Variants in CEACAM21 observed in about 807,000 individuals in gnomAD.
The protein encoded by CEACAM21 is CEA cell adhesion molecule 21.
Under a neutral mutation model 33.2 loss-of-function variants are expected in CEACAM21, and 38 were observed. That is an observed-to-expected ratio of 1.14 (90% CI 0.88 to 1.50). The LOEUF is 1.50. Ranked by LOEUF, CEACAM21 falls within the 40% of genes most tolerant of loss-of-function variation. The pLI, the probability that CEACAM21 is intolerant of heterozygous loss-of-function variation, is 0.00. For missense variants in CEACAM21, 385 were observed against 364.6 expected (o/e 1.06, Z -0.46); for synonymous variants, 156 against 143.0 (o/e 1.09, Z -0.65).
intron 4 of CEACAM21, 102 bp from the exon 5 acceptor site, chr19:41,585,341 C>T: frequency 8.0e-7 from 1 of 1,247,482 alleles, no homozygotes; most frequent in South Asian, 1.2e-5. Flanking sequence ...AGGAGGTCTC[C>T]ATACCCCTCT....
Position 41,584,450 on chromosome 19 carries a change from C to G in CEACAM21, c.797+7C>G. ...TCCTCCGAAAAACTGGCAGGTACCACAGCTTTTCCCCATTCTGCTCCCATC... is the reference window on the plus strand; with the variant it reads ...TCCTCCGAAAAACTGGCAGGTACCAGAGCTTTTCCCCATTCTGCTCCCATC... On this transcript the variant is annotated splice_region_variant and intron_variant, in intron 4 of 6. Coordinates refer to ENST00000401445, the MANE Select transcript of CEACAM21 (RefSeq NM_001098506.4). The G allele has an allele frequency of 6.3e-7, 1 of 1,598,212 alleles. No individual in the cohort carries two copies. The highest frequency in any genetic ancestry group is 1.7e-5 in the Admixed American group (1 of 57,376).
At chr19:41,555,522 T>C (rs1328664889) in intron 1 of CEACAM21, 1 of 151,894 alleles carries the variant, frequency 6.6e-6, no homozygotes, top group Non-Finnish European at 1.5e-5. Flanking sequence ...GTTTATAGGA[T>C]CTAATTTTAA....
chr19:41,586,164 C>T (rs2070722302), intron 6 of CEACAM21: 1 of 592,730 alleles, frequency 1.7e-6, no homozygotes. Flanking sequence ...ATTCCCCTAC[C>T]CAGCACCAGG....
Position 41,552,294 on chromosome 19 carries a change from T to G in CEACAM21, c.-779+2742T>G, listed in dbSNP as rs564804090. ...CTCAATCACAGAGGTTTGGGGGGGG[T>G]TCCTTTAGACCCCCAATGAACTTGT... On this transcript the variant is annotated intron_variant, in intron 1 of 7. Coordinates refer to the CEACAM21 transcript ENST00000407170. The G allele has an allele frequency of 7.5e-4, 113 of 151,668 alleles. 1 individual carries two copies. The highest frequency in any genetic ancestry group is 2.5e-3 in the African/African-American group (105 of 41,286). 9.4% of individuals were successfully genotyped at this position (151,668 alleles called of 1,614,324 possible).
intron 3 of CEACAM21, 78 bp from the exon 4 acceptor site, chr19:41,584,269 T>A (rs2070539253): frequency 8.1e-7 from 1 of 1,227,966 alleles, no homozygotes; most frequent in African/African-American, 1.5e-5. Flanking sequence ...TCCCTGACCA[T>A]GCCCCTGCCC....
Position 41,576,410 on chromosome 19 carries a change from A to G in CEACAM21, c.64+72A>G, listed in dbSNP as rs572643462. On this transcript the variant is annotated intron_variant, in intron 1 of 6. Transcript: ENST00000401445. ...GACTGGCTGGGGTCTCCTGGGGAGG[A>G]TGGGGCTCTGAGAGGAGACAGAGGG... 2.3e-5 allele frequency: 35 copies of G among 1,502,830 alleles called. No homozygotes were observed. In the African/African-American group the frequency reaches 3.5e-4, roughly 15 times the overall value. 93.1% of individuals were successfully genotyped at this position (1,502,830 alleles called of 1,614,324 possible).
intron 2 of CEACAM21, 139 bp downstream of exon 2, chr19:41,577,698 A>T: frequency 8.1e-7 from 1 of 1,234,106 alleles, no homozygotes; most frequent in Non-Finnish European, 1.1e-6. Flanking sequence ...TGCAGGACAC[A>T]CCCAGGGGAG....
intron 3 of CEACAM21, among the ~76,000 whole-genome samples, chr19:41,581,842 T>C (rs532284553): frequency 6.6e-6 from 1 of 152,306 alleles, no homozygotes; most frequent in South Asian, 2.1e-4. Context: ...CAAGGTGATA[T>C]TTGGGTGAAG....
At chr19:41,584,839 G>C (rs2070602345) in intron 4 of CEACAM21, among the ~76,000 whole-genome samples, 1 of 152,214 alleles carries the variant, frequency 6.6e-6, no homozygotes, top group Non-Finnish European at 1.5e-5. Context: ...GAACAGCCTG[G>C]ACGGGCTGGG....
At chr19:41,559,290 A>G (rs1305410400) in intron 1 of CEACAM21, among the ~76,000 whole-genome samples, 1 of 152,272 alleles carries the variant, frequency 6.6e-6, no homozygotes, top group African/African-American at 2.4e-5. Context: ...CAGAAAATGT[A>G]TCTTTAGAAA....
At chr19:41,562,298 GT>G (rs555654946) in intron 1 of CEACAM21, among the ~76,000 whole-genome samples, 173 of 150,550 alleles carry the variant, frequency 1.1e-3, no homozygotes, top group East Asian at 3.1e-3. Flanking sequence ...TATAAAGAAA[GT>G]TTTTTTTAAG....
intron 2 of CEACAM21, among the ~76,000 whole-genome samples, chr19:41,569,570 A>C (rs2042472028): frequency 6.6e-6 from 1 of 152,074 alleles, no homozygotes; most frequent in Admixed American, 6.5e-5. Context: ...GAGGGGCTGC[A>C]GGGAGCTAGA....
chr19:41,567,473 C>T (rs782045751), intron 2 of CEACAM21, among the ~76,000 whole-genome samples: 1 of 152,114 alleles, frequency 6.6e-6, no homozygotes, highest in Non-Finnish European at 1.5e-5. Flanking sequence ...ATAGAAAATC[C>T]GGGATGAGAG....
At chr19:41,563,419 C>G (rs1031662572) in intron 1 of CEACAM21, among the ~76,000 whole-genome samples, 7 of 152,152 alleles carry the variant, frequency 4.6e-5, no homozygotes, top group African/African-American at 1.7e-4. Context: ...GGGAAGGAAC[C>G]CTGGTGGGGT....
upstream of CEACAM21, among the ~76,000 whole-genome samples, chr19:41,575,707 T>G (rs2042894708): frequency 6.6e-6 from 1 of 152,056 alleles, no homozygotes; most frequent in Non-Finnish European, 1.5e-5. Flanking sequence ...GGCCTGGGTC[T>G]CTGTCCCTGG....
At chr19:41,584,296 G>A in intron 3 of CEACAM21, 51 bp from the exon 4 acceptor site, 1 of 1,518,292 alleles carries the variant, frequency 6.6e-7, no homozygotes, top group East Asian at 2.3e-5. Flanking sequence ...GCCCCTCATG[G>A]TTCCCCCTGG....
chr19:41,585,806 A>G, intron 5 of CEACAM21, 34 bp from the exon 6 acceptor site: 1 of 1,607,800 alleles, frequency 6.2e-7, no homozygotes, highest in Non-Finnish European at 8.5e-7. Flanking sequence ...AGCTATCCTA[A>G]CACTCTCGTG....
intron 1 of CEACAM21, chr19:41,551,923 C>G (rs895564256): frequency 2.0e-5 from 3 of 152,074 alleles, no homozygotes; most frequent in Non-Finnish European, 2.9e-5. Flanking sequence ...CCAGTGTGTT[C>G]CCAGACCAAA....
At position 41,577,534 on chromosome 19, in the gene CEACAM21, G is replaced by A. The variant is rs782010640; in HGVS notation, c.399G>A (p.Gln133=). 1 of 1,613,958 alleles carries A rather than the reference G, an allele frequency of 6.2e-7. No individual in the cohort carries two copies. Among genetic ancestry groups the A allele is most frequent in the Non-Finnish European group, 8.5e-7 (1 of 1,180,016 alleles). Residue 133 remains glutamine (Q), a synonymous_variant, in exon 2 of 7, where the codon CAG becomes CAA. Coordinates refer to ENST00000401445, the MANE Select transcript of CEACAM21 (RefSeq NM_001098506.4). ...CATACAGAAATTCTCAGATTGAACA[G>A]GCATCTCACCATCTCCGTGTATACG... The part of the protein sequence containing the change: ...QVTYRNSQIE[Q]ASHHLRVYES...
Sources: allele counts gnomAD v4.1 joint callset (sites outside exome capture counted in the v4.1 genomes callset), GRCh38; gene constraint gnomAD v4.1.1; transcripts MANE v1.5; gene names NCBI Gene and HGNC (gene_info 2026-07-23, HGNC 2026-07-21).